Variants in VGLL4 observed in about 807,000 individuals in gnomAD.
VGLL4 encodes the protein transcription cofactor vestigial-like protein 4.
VGLL4 carries 7 observed loss-of-function variants against 21.0 expected under a neutral mutation model. The observed-to-expected ratio is 0.33, with a 90% CI of 0.19 to 0.63. The LOEUF is 0.63. VGLL4 is among the 20% of genes least tolerant of loss of function. The pLI is 0.78. For synonymous variants in VGLL4, 222 were observed against 173.2 expected (o/e 1.28, Z -2.21); for missense variants, 394 against 425.7 (o/e 0.93, Z 0.66).
chr3:11,577,616 G>GA (rs1182206909), intron 2 of VGLL4, among the ~76,000 whole-genome samples: 1 of 152,160 alleles, frequency 6.6e-6, no homozygotes, highest in Non-Finnish European at 1.5e-5. Flanking sequence ...ACACTGGAAA[G>GA]ATTGGATGCT....
intron 1 of VGLL4, among the ~76,000 whole-genome samples, chr3:11,638,519 CTT>C (rs1426626213): frequency 6.6e-6 from 1 of 152,070 alleles, no homozygotes; most frequent in Non-Finnish European, 1.5e-5. Flanking sequence ...CTCCTAGTTT[CTT>C]TCTCTCTCTC....
upstream of VGLL4, among the ~76,000 whole-genome samples, chr3:11,646,081 G>C (rs2075786388): frequency 6.6e-6 from 1 of 152,186 alleles, no homozygotes; most frequent in Non-Finnish European, 1.5e-5. Context: ...GTAAGTAATA[G>C]GGGAATCAAG....
chr3:11,711,290 A>C (rs1263229430), intron 1 of VGLL4, among the ~76,000 whole-genome samples: 3 of 152,148 alleles, frequency 2.0e-5, no homozygotes, highest in Non-Finnish European at 4.4e-5. Flanking sequence ...CTGTAATCCC[A>C]GCACTTTGGG....
chr3:11,699,244 T>C (rs986329836), intron 2 of VGLL4, among the ~76,000 whole-genome samples: 6 of 152,214 alleles, frequency 3.9e-5, no homozygotes, highest in African/African-American at 7.2e-5. Flanking sequence ...TTGTATGACT[T>C]TTCACACACT....
chr3:11,619,162 C>T (rs1393130733), intron 1 of VGLL4, among the ~76,000 whole-genome samples: 1 of 152,170 alleles, frequency 6.6e-6, no homozygotes, highest in Admixed American at 6.5e-5. Flanking sequence ...AGATGAAAGG[C>T]TTGCCCTGCA....
intron 1 of VGLL4, chr3:11,633,457 C>G (rs906759536): frequency 1.3e-5 from 2 of 152,494 alleles, no homozygotes; most frequent in Admixed American, 1.3e-4. Context: ...ATCACGAGGT[C>G]AAGAGATCAA....
At chr3:11,649,144 C>G (rs1000450447) in intron 2 of VGLL4, among the ~76,000 whole-genome samples, 1 of 152,194 alleles carries the variant, frequency 6.6e-6, no homozygotes, top group South Asian at 2.1e-4. Context: ...AAAACCGTGG[C>G]TTATCGATGA....
intron 1 of VGLL4, among the ~76,000 whole-genome samples, chr3:11,717,375 CAG>C (rs991883136): frequency 6.6e-6 from 1 of 151,654 alleles, no homozygotes; most frequent in African/African-American, 2.4e-5. Context: ...CTCTCCAAGA[CAG>C]ATACCTAGAA....
In VGLL4 at chr3:11,669,676, C is replaced by CT. The variant is rs111357264; in HGVS notation, c.64+33294dup. 2.1e-3 allele frequency among the ~76,000 whole-genome samples: 313 copies of CT among 147,352 alleles called. 1 individual carries two copies. The highest frequency in any genetic ancestry group is 5.1e-3 in the African/African-American group (205 of 40,384). On this transcript the variant is annotated intron_variant, in intron 2 of 5. Transcript: ENST00000273038. ...ATTCTAGAGTAAGGAATTAGAATAA[C>CT]TTTTTTTTTTTTCATTTTATAGACA...
At chr3:11,580,592 G>A (rs567980343) in intron 2 of VGLL4, among the ~76,000 whole-genome samples, 34 of 152,322 alleles carry the variant, frequency 2.2e-4, no homozygotes, top group Non-Finnish European at 4.3e-4. Context: ...GGAAGTATAG[G>A]ATGCATTTTT....
rs550827286 is a variant in VGLL4 at position 11,703,088 on chromosome 3, G to T, written c.-13-41C>A. On this transcript the variant is annotated intron_variant, in intron 1 of 5. Transcript: ENST00000273038. Reference sequence around the variant, plus strand: ...AAAAGGGGAAAAAATAATTTAAACAGAATTCAAAAGACTCTTAGAATCCTA... The same window carrying T: ...AAAAGGGGAAAAAATAATTTAAACATAATTCAAAAGACTCTTAGAATCCTA... 2.0e-6 allele frequency: 3 copies of T among 1,527,572 alleles called. No individual in the cohort carries two copies. In the South Asian group the frequency reaches 3.6e-5, roughly 18 times the overall value. The allele number at this position is 1,527,572 out of a possible 1,614,324, so 94.6% of individuals were successfully genotyped here. A position where few individuals can be genotyped will look rare whatever the true frequency, so the allele number is the denominator to read the frequency against.
intron 2 of VGLL4, among the ~76,000 whole-genome samples, chr3:11,662,335 A>G (rs1329031805): frequency 1.3e-5 from 2 of 152,254 alleles, no homozygotes; most frequent in African/African-American, 4.8e-5. Context: ...CATTACTGGC[A>G]ATTGAAAGCT....
intron 1 of VGLL4, among the ~76,000 whole-genome samples, chr3:11,715,315 C>T (rs185065211): frequency 4.6e-5 from 7 of 152,056 alleles, no homozygotes; most frequent in Admixed American, 4.6e-4. Context: ...TAGTTATTAC[C>T]ATCAGTAAAT....
chr3:11,601,555 C>T (rs766088264), intron 2 of VGLL4, among the ~76,000 whole-genome samples: 8 of 152,162 alleles, frequency 5.3e-5, no homozygotes, highest in African/African-American at 9.7e-5. Flanking sequence ...CTCGACTGCT[C>T]GCAGAAGCTC....
In VGLL4 at chr3:11,558,817, G is replaced by A. The variant is rs755548711; in HGVS notation, c.630C>T (p.Thr210=). The A allele has an allele frequency of 1.4e-5, 23 of 1,610,814 alleles. No individual in the cohort carries two copies. The highest frequency in any genetic ancestry group is 1.8e-5 in the Non-Finnish European group (21 of 1,177,690). The stretch of plus-strand genomic sequence containing the variant: ...AATGCTCCTCCACCACGGGGTCACA[G>A]GTGGTGGCAGCTGCAGGCAAGCAGG... The part of the protein sequence containing the change: ...SYRRPPSAAT[T]CDPVVEEHFR... Residue 210 remains threonine (T), a synonymous_variant, in exon 5 of 5, where the codon ACC becomes ACT. Transcript: ENST00000430365.
chr3:11,620,763 C>T (rs905400248), intron 1 of VGLL4, among the ~76,000 whole-genome samples: 1 of 152,224 alleles, frequency 6.6e-6, no homozygotes, highest in Non-Finnish European at 1.5e-5. Context: ...ATTCCATCCC[C>T]TCCTTCCCTC....
intron 1 of VGLL4, among the ~76,000 whole-genome samples, chr3:11,605,371 A>G (rs1486437378): frequency 1.4e-5 from 2 of 145,610 alleles, no homozygotes; most frequent in African/African-American, 2.6e-5. Context: ...GCCCATCCTC[A>G]CCCCAGATAT....
chr3:11,601,085 G>C (rs1043822559), intron 2 of VGLL4, among the ~76,000 whole-genome samples: 1 of 152,188 alleles, frequency 6.6e-6, no homozygotes, highest in Non-Finnish European at 1.5e-5. Flanking sequence ...GAGTGCAAAG[G>C]GGAGAAGCCG....
intron 2 of VGLL4, among the ~76,000 whole-genome samples, chr3:11,575,307 C>G (rs1047726281): frequency 6.6e-6 from 1 of 152,238 alleles, no homozygotes; most frequent in Admixed American, 6.5e-5. Flanking sequence ...CTCTGTCTCT[C>G]TAACTGCGCC....
Sources: gnomAD v4.1 joint callset for allele counts (sites outside exome capture counted in the v4.1 genomes callset) on GRCh38, gnomAD v4.1.1 for gene constraint, MANE v1.5 for transcripts, NCBI Gene and HGNC (gene_info 2026-07-23, HGNC 2026-07-21) for gene names.